Variants in CAMTA1 observed in about 807,000 individuals in gnomAD.
CAMTA1 encodes calmodulin-binding transcription activator 1.
A neutral mutation model predicts 170.9 loss-of-function variants in CAMTA1; 27 were observed. That is an observed-to-expected ratio of 0.16 (90% CI 0.12 to 0.22). The LOEUF is 0.22. Among genes scored for constraint, CAMTA1 ranks in the 10% least tolerant of loss-of-function variants. CAMTA1 has a pLI of 1.00. For missense variants in CAMTA1, 1,619 were observed against 2,217.2 expected, an observed-to-expected ratio of 0.73 and a Z score of 5.42; for synonymous variants, 833 against 891.5, an observed-to-expected ratio of 0.93 and a Z score of 1.17.
At chr1:7,655,093 CACACACACCTATACACACACCTAT>C (rs1302253042) in intron 7 of CAMTA1, among the ~76,000 whole-genome samples, 4 of 28,248 alleles carry the variant, frequency 1.4e-4, no homozygotes, top group Non-Finnish European at 2.7e-4. Context: ...CCCACCTATA[CACACACACCTATACACACACCTAT>C]ACACACACCT....
rs567899093 is a variant in CAMTA1 at position 7,680,494 on chromosome 1, T to C, written c.2914+2761T>C. 6.6e-6 allele frequency among the ~76,000 whole-genome samples: 1 copy of C among 150,480 alleles called. No individual in the cohort carries two copies. The highest frequency in any genetic ancestry group is 1.5e-5 in the Non-Finnish European group (1 of 67,508). On this transcript the variant is annotated intron_variant, in intron 11 of 22. Coordinates refer to ENST00000303635, the MANE Select transcript of CAMTA1 (RefSeq NM_015215.4). The surrounding 1 kb of genome is among the most constrained non-coding windows in gnomAD (Gnocchi z 4.4). ...CCCTCCCGCCGACGCGCAGCCGCAA[T>C]GCGGGGCCCTTCGCGGAACTGCTGG...
At chr1:7,027,819 C>T (rs1382636446) in intron 3 of CAMTA1, among the ~76,000 whole-genome samples, 1 of 152,090 alleles carries the variant, frequency 6.6e-6, no homozygotes, top group East Asian at 1.9e-4. Context: ...TACAAAGACC[C>T]TTAGACTTTT....
intron 5 of CAMTA1, among the ~76,000 whole-genome samples, chr1:7,392,552 G>A (rs2088841278): frequency 6.7e-6 from 1 of 149,156 alleles, no homozygotes; most frequent in Admixed American, 6.7e-5. Context: ...ACGGCACCCG[G>A]CCAAGACCCC....
intron 5 of CAMTA1, among the ~76,000 whole-genome samples, chr1:7,344,798 A>T (rs2084104696): frequency 6.9e-6 from 1 of 145,856 alleles, no homozygotes; most frequent in Admixed American, 7.0e-5. Context: ...CCCAGGCTGG[A>T]GTGCAGTGGC....
chr1:7,267,980 G>T (rs1270901559), intron 5 of CAMTA1, among the ~76,000 whole-genome samples: 1 of 152,182 alleles, frequency 6.6e-6, no homozygotes, highest in Non-Finnish European at 1.5e-5. Context: ...GTAACTGGTA[G>T]TGAACTTATC....
intron 3 of CAMTA1, among the ~76,000 whole-genome samples, chr1:7,066,941 T>A (rs893267723): frequency 7.2e-5 from 11 of 152,242 alleles, no homozygotes; most frequent in Non-Finnish European, 4.4e-5. Flanking sequence ...CTTGATTAGA[T>A]CAAGGCAGGA....
rs568171177 is a variant in CAMTA1, at chr1:7,601,542, G to A, written c.511-38858G>A. 9.5e-3 allele frequency among the ~76,000 whole-genome samples: 1,454 copies of A among 152,266 alleles called. 9 individuals carry two copies. The highest frequency in any genetic ancestry group is 0.041 in the Middle Eastern group (12 of 294). On this transcript the variant is annotated intron_variant, in intron 6 of 22. Transcript: ENST00000303635. Reference sequence around the variant, plus strand: ...CTCCTCACTTCCCAGACAGGGTGGCGGCCGGGCAGAGGCTGCAATCTCGGC... The same window carrying A: ...CTCCTCACTTCCCAGACAGGGTGGCAGCCGGGCAGAGGCTGCAATCTCGGC...
intron 6 of CAMTA1, among the ~76,000 whole-genome samples, chr1:7,503,877 G>A (rs1035622888): frequency 5.3e-5 from 8 of 152,142 alleles, no homozygotes; most frequent in South Asian, 2.1e-4. Context: ...AGCCACCTCC[G>A]CTGCCCCGCA....
At chr1:7,152,271 G>C (rs934786500) in intron 4 of CAMTA1, among the ~76,000 whole-genome samples, 1 of 152,114 alleles carries the variant, frequency 6.6e-6, no homozygotes, top group Non-Finnish European at 1.5e-5. Flanking sequence ...GCCAAGACTC[G>C]AAGCAGTAGC....
intron 1 of CAMTA1, among the ~76,000 whole-genome samples, chr1:6,790,375 A>AGTGTGTGT (rs370868840): frequency 0.019 from 2,709 of 139,084 alleles, 39 homozygotes; most frequent in South Asian, 0.033. Flanking sequence ...AGAGAGAGAG[A>AGTGTGTGT]GTGTGTGTGT....
chr1:7,114,520 G>A (rs1425873070), intron 4 of CAMTA1, among the ~76,000 whole-genome samples: 2 of 152,196 alleles, frequency 1.3e-5, no homozygotes, highest in Non-Finnish European at 2.9e-5. Flanking sequence ...GTGTTGGGCT[G>A]CATTCAAAGC....
chr1:7,536,696 G>T (rs1229643257), intron 6 of CAMTA1, among the ~76,000 whole-genome samples: 1 of 151,918 alleles, frequency 6.6e-6, no homozygotes, highest in Non-Finnish European at 1.5e-5. Flanking sequence ...CTGGGCTGAG[G>T]TGTGGACGCA....
intron 3 of CAMTA1, among the ~76,000 whole-genome samples, chr1:6,876,150 T>C (rs1193010411): frequency 6.6e-6 from 1 of 152,112 alleles, no homozygotes; most frequent in East Asian, 1.9e-4. Flanking sequence ...TGCTTGTTCT[T>C]TCATTTTTTT....
rs1283240844 is a variant in CAMTA1 at position 6,973,144 on chromosome 1, G to A, written c.235-118160G>A. On this transcript the variant is annotated intron_variant, in intron 3 of 22. Coordinates refer to ENST00000303635, the MANE Select transcript of CAMTA1 (RefSeq NM_015215.4). ...TGGGATTACAGGCATGAGCCACCAC[G>A]CCTAGCCGTCTGAACAGATTTTTAA... is the stretch of plus-strand genomic sequence containing the variant. Among the ~76,000 whole-genome samples the A allele has an allele frequency of 2.6e-5, 4 of 152,306 alleles. No homozygotes were observed. In the East Asian group the frequency reaches 7.7e-4, roughly 29 times the overall value.
chr1:7,710,119 G>C (rs963391259), intron 11 of CAMTA1, among the ~76,000 whole-genome samples: 4 of 152,244 alleles, frequency 2.6e-5, no homozygotes, highest in Non-Finnish European at 2.9e-5. Flanking sequence ...GAATTCAACA[G>C]ATAGTCTCCA....
chr1:6,947,075 C>T (rs1383111549), intron 3 of CAMTA1, among the ~76,000 whole-genome samples: 1 of 152,162 alleles, frequency 6.6e-6, no homozygotes, highest in African/African-American at 2.4e-5. Flanking sequence ...ACTCTATTTT[C>T]CCCCATTGAA....
At chr1:7,360,315 C>G (rs1465818612) in intron 5 of CAMTA1, among the ~76,000 whole-genome samples, 1 of 152,202 alleles carries the variant, frequency 6.6e-6, no homozygotes, top group Non-Finnish European at 1.5e-5. Context: ...GGCTGGGACT[C>G]AGCCCTGGGG....
rs2094502825 is a variant in CAMTA1 at position 7,532,433 on chromosome 1, CT to C, written c.510+64533del. 6.6e-6 allele frequency among the ~76,000 whole-genome samples: 1 copy of C among 151,950 alleles called. No individual in the cohort carries two copies. Among genetic ancestry groups the C allele is most frequent in the Admixed American group, 6.5e-5 (1 of 15,270 alleles). On this transcript the variant is annotated intron_variant, in intron 6 of 22. Coordinates refer to ENST00000303635, the MANE Select transcript of CAMTA1 (RefSeq NM_015215.4). The surrounding 1 kb of genome is among the most constrained non-coding windows in gnomAD (Gnocchi z 4.2). Reference sequence around the variant, plus strand: ...ACCTCAGCCTCCCAAGTATCTGGGACTACAGGCACACACCCCTGTGCCCAGC... The same window carrying C: ...ACCTCAGCCTCCCAAGTATCTGGGACACAGGCACACACCCCTGTGCCCAGC...
chr1:7,122,901 C>G (rs1340263000), intron 4 of CAMTA1, among the ~76,000 whole-genome samples: 1 of 152,168 alleles, frequency 6.6e-6, no homozygotes, highest in African/African-American at 2.4e-5. Context: ...CCTTTTATAC[C>G]CATCCCCAGC....
Sources: gnomAD v4.1 joint callset for allele counts (sites outside exome capture counted in the v4.1 genomes callset) on GRCh38, gnomAD v4.1.1 for gene constraint, Gnocchi (gnomAD v3.1) non-coding constraint, MANE v1.5 for transcripts, NCBI Gene and HGNC (gene_info 2026-07-23, HGNC 2026-07-21) for gene names.